SLC22A4: variants seen among roughly 807,000 people sequenced by gnomAD.
SLC22A4 encodes the protein solute carrier family 22 member 4.
SLC22A4 carries 39 observed loss-of-function variants against 56.6 expected under a neutral mutation model. That is an observed-to-expected ratio of 0.69 (90% CI 0.53 to 0.90). The LOEUF is 0.90. Ranked by LOEUF, SLC22A4 falls within the 40% of genes least tolerant of loss-of-function variation. SLC22A4 has a pLI of 0.00. For missense variants in SLC22A4, 594 were observed against 696.5 expected (o/e 0.85, Z 1.66); for synonymous variants, 241 against 281.4 (o/e 0.86, Z 1.44).
chr5:132,328,868 C>A (rs914491120), intron 5 of SLC22A4, among the ~76,000 whole-genome samples: 5 of 148,232 alleles, frequency 3.4e-5, no homozygotes, highest in African/African-American at 1.0e-4. Context: ...CACACACACA[C>A]GCATATATAA....
chr5:132,312,227 C>G lies in SLC22A4; in HGVS notation c.460C>G (p.Leu154Val). Residue 154 changes from leucine (L) to valine (V), a missense_variant, in exon 2 of 10, where the codon CTC becomes GTC. Physicochemically the swap from Leu to Val is conservative, Grantham distance 32. Transcript: ENST00000200652. Reference protein sequence around the residue: ...LTTSLFFVGVLLGSFVSGQLS... With the variant: ...LTTSLFFVGVVLGSFVSGQLS... ...CACCTCCCTGTTCTTCGTAGGCGTG[C>G]TCCTCGGCTCCTTCGTGTCCGGGCA... 6.2e-7 allele frequency: 1 copy of G among 1,613,698 alleles called. No individual in the cohort carries two copies.
intron 5 of SLC22A4, among the ~76,000 whole-genome samples, chr5:132,328,868 C>T (rs914491120): frequency 2.7e-5 from 4 of 148,232 alleles, no homozygotes; most frequent in African/African-American, 7.5e-5. Context: ...CACACACACA[C>T]GCATATATAA....
chr5:132,310,402 G>A (rs1043189442), intron 1 of SLC22A4, among the ~76,000 whole-genome samples: 1 of 152,228 alleles, frequency 6.6e-6, no homozygotes, highest in Non-Finnish European at 1.5e-5. Flanking sequence ...GGCCATGAAT[G>A]CAGGCACACG....
rs143521518 is a variant in SLC22A4 at position 132,313,056 on chromosome 5, G to A, written c.498-558G>A. On this transcript the variant is annotated intron_variant, in intron 2 of 9. Transcript: ENST00000200652. Reference sequence around the variant, plus strand: ...GCTGAAAGCTACACCTTCCCACAGAGCAGTGGTTTGCAATTTTTGTTGCAC... The same window carrying A: ...GCTGAAAGCTACACCTTCCCACAGAACAGTGGTTTGCAATTTTTGTTGCAC... Among the ~76,000 whole-genome samples, 641 of 152,322 alleles carry A rather than the reference G, an allele frequency of 4.2e-3. 5 individuals are homozygous for A. Among genetic ancestry groups the A allele is most frequent in the African/African-American group, 0.015 (606 of 41,558 alleles).
intron 1 of SLC22A4, among the ~76,000 whole-genome samples, chr5:132,307,102 G>A (rs1750059122): frequency 6.6e-6 from 1 of 152,140 alleles, no homozygotes; most frequent in Non-Finnish European, 1.5e-5. Flanking sequence ...AAATGTTATG[G>A]TGTATAAATC....
intron 1 of SLC22A4, among the ~76,000 whole-genome samples, chr5:132,302,845 T>C (rs1390500962): frequency 6.6e-6 from 1 of 152,248 alleles, no homozygotes; most frequent in Non-Finnish European, 1.5e-5. Context: ...CTGGTTCTTC[T>C]GCTTTGGTTT....
rs147513234 is a variant in SLC22A4 at position 132,340,280 on chromosome 5, G to T, written c.1445-285G>T. 4.1e-3 allele frequency among the ~76,000 whole-genome samples: 625 copies of T among 151,992 alleles called. 4 individuals carry two copies. Among genetic ancestry groups the T allele is most frequent in the African/African-American group, 0.014 (589 of 41,440 alleles). ...TAAGAGGAGAACTCTGGTAGGCAAAGAACTCTACCAAAGGAACATCTGTCA... is the reference window on the plus strand; with the variant it reads ...TAAGAGGAGAACTCTGGTAGGCAAATAACTCTACCAAAGGAACATCTGTCA... On this transcript the variant is annotated intron_variant, in intron 8 of 9. Coordinates refer to ENST00000200652, the MANE Select transcript of SLC22A4 (RefSeq NM_003059.3).
chr5:132,340,507 A>C (rs1349206148), intron 8 of SLC22A4, 58 bp from the exon 9 acceptor site: 4 of 1,545,920 alleles, frequency 2.6e-6, no homozygotes, highest in East Asian at 4.5e-5. Context: ...AATGATGCTC[A>C]AGAGTGCCCA....
chr5:132,333,499 T>C (rs1750924791), intron 6 of SLC22A4, among the ~76,000 whole-genome samples: 1 of 152,158 alleles, frequency 6.6e-6, no homozygotes, highest in Non-Finnish European at 1.5e-5. Context: ...ACAGGTTGTA[T>C]AGGTGGCCAA....
chr5:132,328,478 A>G (rs937274296), intron 5 of SLC22A4, among the ~76,000 whole-genome samples: 1 of 152,086 alleles, frequency 6.6e-6, no homozygotes, highest in African/African-American at 2.4e-5. Context: ...CTGGCCATGA[A>G]CTCAAGCTCT....
At position 132,335,917 on chromosome 5, in the gene SLC22A4, C is replaced by A. The variant is rs760456007; in HGVS notation, c.1361C>A (p.Thr454Asn). ...GTCTTCACTGCTGAGCTCTACCCAACCCTGGTCAGGAACATGGCGGTGGGG... is the reference window on the plus strand; with the variant it reads ...GTCTTCACTGCTGAGCTCTACCCAAACCTGGTCAGGAACATGGCGGTGGGG... ...LYVFTAELYP[T>N]LVRNMAVGVT... Residue 454 changes from threonine (T) to asparagine (N), a missense_variant, in exon 8 of 10, where the codon ACC becomes AAC. Transcript: ENST00000200652. 6.2e-7 allele frequency: 1 copy of A among 1,614,164 alleles called. No individual in the cohort carries two copies. The highest frequency in any genetic ancestry group is 1.3e-5 in the African/African-American group (1 of 75,050).
At chr5:132,324,315 C>T (rs1039904427) in intron 4 of SLC22A4, 6 of 343,786 alleles carry the variant, frequency 1.7e-5, no homozygotes, top group African/African-American at 4.3e-5. Flanking sequence ...ATCTTTGCCT[C>T]GGGACCATAT....
intron 8 of SLC22A4, among the ~76,000 whole-genome samples, chr5:132,336,597 AAACTT>A (rs1241634036): frequency 6.6e-6 from 1 of 152,252 alleles, no homozygotes; most frequent in African/African-American, 2.4e-5. Context: ...AAAACTTTTT[AAACTT>A]AACATTGTAT....
chr5:132,344,038 G>A lies in SLC22A4; in HGVS notation c.*203G>A, dbSNP rs1300233986. The A allele has an allele frequency of 3.6e-6, 2 of 547,966 alleles. No homozygotes were observed. Among genetic ancestry groups the A allele is most frequent in the East Asian group, 3.0e-5 (1 of 33,788 alleles). 33.9% of individuals were successfully genotyped at this position (547,966 alleles called of 1,614,324 possible). Reference sequence around the variant, plus strand: ...TTTACAAACCAACCATTTCTAGAGAGTCTCCTTACTCATTAATTCAATGAA... The same window carrying A: ...TTTACAAACCAACCATTTCTAGAGAATCTCCTTACTCATTAATTCAATGAA... On this transcript the variant is annotated 3_prime_UTR_variant, in exon 10 of 10. Coordinates refer to ENST00000200652, the MANE Select transcript of SLC22A4 (RefSeq NM_003059.3).
In SLC22A4 at chr5:132,322,354, T is replaced by A. The variant is rs1270352048; in HGVS notation, c.823T>A (p.Trp275Arg). 1 of 1,613,268 alleles carries A rather than the reference T, an allele frequency of 6.2e-7. No homozygotes were observed. Among genetic ancestry groups the A allele is most frequent in the South Asian group, 1.1e-5 (1 of 91,040 alleles). ...VPGVLCVPLWWFIPESPRWLI... is the reference protein window; with the variant it reads ...VPGVLCVPLWRFIPESPRWLI... ...GGGAGTGCTGTGTGTCCCGCTGTGG[T>A]GGTGAGTGTGACTCGTCCCCAGACA... The change falls in exon 4 of 10, where the codon TGG (tryptophan) becomes AGG (arginine). Residue 275 changes from tryptophan to arginine, a missense_variant and splice_region_variant. By Grantham distance (101) the Trp-to-Arg change is moderately radical. Coordinates refer to ENST00000200652, the MANE Select transcript of SLC22A4 (RefSeq NM_003059.3).
chr5:132,327,689 C>T (rs1158996504), intron 5 of SLC22A4, among the ~76,000 whole-genome samples: 1 of 152,230 alleles, frequency 6.6e-6, no homozygotes, highest in Non-Finnish European at 1.5e-5. Flanking sequence ...TGGCATTGCT[C>T]CAAACCACTG....
At chr5:132,330,452 G>A (rs757309721) in intron 5 of SLC22A4, among the ~76,000 whole-genome samples, 7 of 152,192 alleles carry the variant, frequency 4.6e-5, no homozygotes, top group African/African-American at 9.7e-5. Context: ...TAGGCCGGGC[G>A]CAGTGGCTCA....
intron 1 of SLC22A4, among the ~76,000 whole-genome samples, chr5:132,305,073 T>C (rs1749992876): frequency 1.3e-5 from 2 of 152,206 alleles, no homozygotes; most frequent in South Asian, 4.1e-4. Flanking sequence ...AAAGAGACCT[T>C]GTCTCTTAAA....
At chr5:132,301,566 G>T (rs913023745) in intron 1 of SLC22A4, among the ~76,000 whole-genome samples, 1 of 152,180 alleles carries the variant, frequency 6.6e-6, no homozygotes, top group African/African-American at 2.4e-5. Context: ...AACAGCAGTA[G>T]GACTTACTGA....
Sources: allele counts gnomAD v4.1 joint callset (sites outside exome capture counted in the v4.1 genomes callset), GRCh38; gene constraint gnomAD v4.1.1; transcripts MANE v1.5; gene names NCBI Gene and HGNC (gene_info 2026-07-23, HGNC 2026-07-21).